ADAM12: variants seen among roughly 807,000 people sequenced by gnomAD.
ADAM12 encodes ADAM metallopeptidase domain 12, also known as disintegrin and metalloproteinase domain-containing protein 12.
In ADAM12, 70 loss-of-function variants were observed where a neutral mutation model predicts 106.4. The ratio of observed to expected loss-of-function variants is 0.66; its 90% CI spans 0.54 to 0.80. The LOEUF (loss-of-function observed/expected upper bound fraction) is 0.80. Among genes scored for constraint, ADAM12 ranks in the 30% least tolerant of loss-of-function variants. The pLI is 0.00. For synonymous variants in ADAM12, 420 were observed against 433.5 expected (o/e 0.97, Z 0.39); for missense variants, 1,010 against 1,171.9 (o/e 0.86, Z 2.02).
chr10:126,207,548 A>G (rs755751695), intron 3 of ADAM12, among the ~76,000 whole-genome samples: 1 of 152,236 alleles, frequency 6.6e-6, no homozygotes, highest in Admixed American at 6.5e-5. Flanking sequence ...ATTGGTATTG[A>G]AGACTCTGCC....
At chr10:126,304,654 C>T (rs542062559) in intron 2 of ADAM12, among the ~76,000 whole-genome samples, 1 of 152,018 alleles carries the variant, frequency 6.6e-6, no homozygotes, top group Admixed American at 6.6e-5. Flanking sequence ...GATCAAAATA[C>T]ACCATTAAGA....
At position 126,081,589 on chromosome 10, in the gene ADAM12, G is replaced by A. The variant is rs183852487; in HGVS notation, c.1146-9935C>T. 1.1e-3 allele frequency among the ~76,000 whole-genome samples: 167 copies of A among 152,278 alleles called. 1 individual carries two copies. Among genetic ancestry groups the A allele is most frequent in the African/African-American group, 3.8e-3 (160 of 41,566 alleles). On this transcript the variant is annotated intron_variant, in intron 11 of 22. Coordinates refer to ENST00000448723, the MANE Select transcript of ADAM12 (RefSeq NM_001288973.2). ...ACCCAGGAGGCTCTTCTTTACCTGG[G>A]CGTGTGGTGAGAACTCAAGTCCGAA...
intron 1 of ADAM12, among the ~76,000 whole-genome samples, chr10:126,387,545 G>A (rs1223523394): frequency 3.3e-5 from 5 of 152,162 alleles, no homozygotes; most frequent in African/African-American, 1.2e-4. Flanking sequence ...CTGCTGTGGA[G>A]AGCAGCAGGC....
intron 3 of ADAM12, among the ~76,000 whole-genome samples, chr10:126,203,583 A>G (rs937539892): frequency 6.6e-6 from 1 of 152,180 alleles, no homozygotes; most frequent in Non-Finnish European, 1.5e-5. Context: ...CAAAGCATCA[A>G]ATACCATTTT....
intron 3 of ADAM12, among the ~76,000 whole-genome samples, chr10:126,264,690 G>A (rs1243956558): frequency 1.3e-5 from 2 of 152,108 alleles, no homozygotes; most frequent in Admixed American, 6.5e-5. Context: ...TTCCTTCAGT[G>A]GGACTAAGCC....
intron 6 of ADAM12, among the ~76,000 whole-genome samples, chr10:126,114,991 C>T (rs7921701): frequency 0.047 from 7,147 of 152,210 alleles, 592 homozygotes; most frequent in African/African-American, 0.16. Flanking sequence ...CACTACTGTG[C>T]CTTCTATTAA....
chr10:126,371,076 C>T (rs2133919999), intron 1 of ADAM12, among the ~76,000 whole-genome samples: 1 of 152,354 alleles, frequency 6.6e-6, no homozygotes, highest in South Asian at 2.1e-4. Flanking sequence ...TGTGCATAAT[C>T]TCAGCTGCGT....
At chr10:126,121,156 C>T (rs1186339597) in intron 5 of ADAM12, among the ~76,000 whole-genome samples, 1 of 31,600 alleles carries the variant, frequency 3.2e-5, no homozygotes, top group South Asian at 7.4e-4. Flanking sequence ...ACTATATATA[C>T]TATATATACT....
intron 2 of ADAM12, among the ~76,000 whole-genome samples, chr10:126,291,240 C>T (rs940543685): frequency 6.6e-6 from 1 of 152,110 alleles, no homozygotes. Flanking sequence ...TGCAAGCTGT[C>T]TTCTAGAAAA....
intron 12 of ADAM12, chr10:126,070,551 C>T (rs149084441): frequency 6.6e-6 from 1 of 152,330 alleles, no homozygotes; most frequent in East Asian, 1.9e-4. Context: ...CACGATTTCT[C>T]CTCCACCCTA....
Position 126,140,893 on chromosome 10 carries a change from G to T in ADAM12, c.340-5233C>A, listed in dbSNP as rs566041005. 2.8e-4 allele frequency among the ~76,000 whole-genome samples: 43 copies of T among 152,286 alleles called. 1 individual carries two copies. The South Asian group carries it at 8.7e-3, about 31-fold the overall frequency. On this transcript the variant is annotated intron_variant, in intron 4 of 22. Transcript: ENST00000448723. ...GATGCAGTCTTCAACCCCTGGGGGT[G>T]GGGGGTGACCCTCTTAGCCAGTGAC...
chr10:126,360,316 A>G (rs771729461), intron 1 of ADAM12, among the ~76,000 whole-genome samples: 10 of 152,298 alleles, frequency 6.6e-5, no homozygotes, highest in Admixed American at 2.0e-4. Flanking sequence ...ATTTCTCCTC[A>G]GAAAATGGGA....
chr10:126,251,874 G>A (rs1002696774), intron 3 of ADAM12, among the ~76,000 whole-genome samples: 3 of 123,772 alleles, frequency 2.4e-5, no homozygotes, highest in East Asian at 5.4e-4. Context: ...ATGGATGGAT[G>A]GGATGGATGC....
rs558254766 is a variant in ADAM12 at position 126,360,168 on chromosome 10, T to C, written c.88+27890A>G. Among the ~76,000 whole-genome samples the C allele has an allele frequency of 3.9e-5, 6 of 152,284 alleles. No homozygotes were observed. In the South Asian group the frequency reaches 1.2e-3, roughly 32 times the overall value. ...GGGCCTGACCCACGAAACCATTCTT[T>C]TCCCCCTAGGTCTCCAGGCCTGTGA... is the stretch of plus-strand genomic sequence containing the variant. On this transcript the variant is annotated intron_variant, in intron 1 of 22. Coordinates refer to ENST00000448723, the MANE Select transcript of ADAM12 (RefSeq NM_001288973.2).
intron 8 of ADAM12, 66 bp from the exon 9 acceptor site, chr10:126,101,307 TTAGAA>T (rs1354917761): frequency 6.5e-7 from 1 of 1,531,320 alleles, no homozygotes; most frequent in East Asian, 2.3e-5. Flanking sequence ...GAAATGAAAA[TTAGAA>T]CAGATTTGCG....
chr10:126,027,885 A>G (rs191573634), intron 21 of ADAM12, among the ~76,000 whole-genome samples: 133 of 152,312 alleles, frequency 8.7e-4, no homozygotes, highest in Admixed American at 2.2e-3. Context: ...AGTGTATTCA[A>G]ATAGGAAGAG....
intron 5 of ADAM12, among the ~76,000 whole-genome samples, chr10:126,119,169 C>G (rs1033424324): frequency 3.9e-5 from 6 of 152,178 alleles, no homozygotes; most frequent in African/African-American, 1.4e-4. Context: ...GTGTTCAGCT[C>G]TTTCTGGAAT....
chr10:126,279,053 A>C, intron 2 of ADAM12, 65 bp from the exon 3 acceptor site: 1 of 1,242,888 alleles, frequency 8.0e-7, no homozygotes, highest in Non-Finnish European at 1.2e-6. Flanking sequence ...TAGCTGAATA[A>C]GACCCACAGG....
intron 3 of ADAM12, among the ~76,000 whole-genome samples, chr10:126,239,926 A>C (rs1035998576): frequency 6.6e-6 from 1 of 152,182 alleles, no homozygotes; most frequent in Non-Finnish European, 1.5e-5. Context: ...TGTGGCTTCC[A>C]AACTGGGGTC....
Sources: allele counts gnomAD v4.1 joint callset (sites outside exome capture counted in the v4.1 genomes callset), GRCh38; gene constraint gnomAD v4.1.1; transcripts MANE v1.5; gene names NCBI Gene and HGNC (gene_info 2026-07-23, HGNC 2026-07-21).